ELOVL6: variants seen among roughly 807,000 people sequenced by gnomAD.
ELOVL6 encodes very long chain fatty acid elongase 6.
In ELOVL6, 8 loss-of-function variants were observed where a neutral mutation model predicts 31.7. The observed-to-expected ratio is 0.25, with a 90% CI of 0.15 to 0.45. The LOEUF (loss-of-function observed/expected upper bound fraction) is 0.45. ELOVL6 is among the 20% of genes least tolerant of loss of function. The probability of loss-of-function intolerance (pLI) is 1.00; values close to 1 mark genes in which losing one functional copy is unlikely to be tolerated. For synonymous variants in ELOVL6, 101 were observed against 117.7 expected (o/e 0.86, Z 0.92); for missense variants, 126 against 326.4 (o/e 0.39, Z 4.73).
intron 1 of ELOVL6, among the ~76,000 whole-genome samples, chr4:110,172,346 A>C (rs1372357802): frequency 6.6e-6 from 1 of 152,204 alleles, no homozygotes; most frequent in East Asian, 1.9e-4. Context: ...CTTTAACAGA[A>C]GCACACTTAA....
intron 1 of ELOVL6, among the ~76,000 whole-genome samples, chr4:110,180,521 T>C (rs904042664): frequency 8.5e-5 from 13 of 152,220 alleles, no homozygotes; most frequent in African/African-American, 2.9e-4. Flanking sequence ...TAGTTGAGAC[T>C]ACAAGCAGCT....
At chr4:110,126,099 A>G (rs948999541) in intron 1 of ELOVL6, among the ~76,000 whole-genome samples, 3 of 151,968 alleles carry the variant, frequency 2.0e-5, no homozygotes, top group Admixed American at 6.6e-5. Context: ...GCTGGAGTGC[A>G]ATGGTTTGAT....
At chr4:110,170,499 C>A (rs558085518) in intron 1 of ELOVL6, among the ~76,000 whole-genome samples, 129 of 152,354 alleles carry the variant, frequency 8.5e-4, no homozygotes, top group African/African-American at 2.7e-3. Context: ...GCCCAATGTG[C>A]ACATCCCTAG....
chr4:110,083,112 C>T (rs116600578), intron 2 of ELOVL6, among the ~76,000 whole-genome samples: 2,567 of 151,748 alleles, frequency 0.017, 36 homozygotes, highest in Admixed American at 0.026. Context: ...CGACTACATA[C>T]TAGGTTCTTC....
At chr4:110,168,860 A>C (rs1758855652) in intron 1 of ELOVL6, among the ~76,000 whole-genome samples, 3 of 152,202 alleles carry the variant, frequency 2.0e-5, no homozygotes, top group Admixed American at 1.3e-4. Context: ...CATAAAATGG[A>C]GGGTTAATTA....
In ELOVL6 at chr4:110,084,588, A is replaced by ATTTTTTTTTTT. The variant is rs1168880044; in HGVS notation, c.221+20898_221+20908dup. 2.4e-4 allele frequency among the ~76,000 whole-genome samples: 7 copies of ATTTTTTTTTTT among 29,660 alleles called. 1 individual carries two copies. The highest frequency in any genetic ancestry group is 1.5e-3 in the African/African-American group (7 of 4,588). The allele number at this position is 29,660 out of a possible 152,430, so 19.5% of individuals were successfully genotyped here. ...GATATATATATATATATATATATAT[A>ATTTTTTTTTTT]TTTTTTTTTTTTTTTTTTTTTTTTG... On this transcript the variant is annotated intron_variant, in intron 2 of 3. Transcript: ENST00000302274.
intron 1 of ELOVL6, among the ~76,000 whole-genome samples, chr4:110,163,522 C>A (rs1487113772): frequency 6.6e-6 from 1 of 152,154 alleles, no homozygotes; most frequent in African/African-American, 2.4e-5. Flanking sequence ...CAAACTGAGT[C>A]ACTGAAATTT....
chr4:110,087,820 C>T (rs1756312529), intron 2 of ELOVL6, among the ~76,000 whole-genome samples: 1 of 140,962 alleles, frequency 7.1e-6, no homozygotes, highest in African/African-American at 2.8e-5. Context: ...AAAAAAAAAC[C>T]TCCTATTTTC....
intron 1 of ELOVL6, among the ~76,000 whole-genome samples, chr4:110,170,436 A>G (rs58182126): frequency 0.014 from 2,182 of 152,360 alleles, 50 homozygotes; most frequent in African/African-American, 0.05. Context: ...CAATACTCAT[A>G]GTACTTTTGT....
chr4:110,156,749 A>G lies in ELOVL6; in HGVS notation c.89+41498T>C, dbSNP rs545476661. Among the ~76,000 whole-genome samples, 8 of 152,314 alleles carry G rather than the reference A, an allele frequency of 5.3e-5. No homozygotes were observed. The South Asian group carries it at 1.7e-3, about 32-fold the overall frequency. ...ACATGCTTCTTTTTCAGGACAGAAG[A>G]GACAAGTGGATTGAATTCATTTCTT... On this transcript the variant is annotated intron_variant, in intron 1 of 3. Coordinates refer to ENST00000302274, the MANE Select transcript of ELOVL6 (RefSeq NM_024090.3).
intron 1 of ELOVL6, among the ~76,000 whole-genome samples, chr4:110,172,766 T>C (rs73841822): frequency 0.013 from 2,026 of 152,320 alleles, 40 homozygotes; most frequent in African/African-American, 0.046. Flanking sequence ...TTGCTGATGT[T>C]TTTTACTGTA....
At chr4:110,067,085 TTTTC>T (rs1327229780) in intron 2 of ELOVL6, among the ~76,000 whole-genome samples, 2 of 152,140 alleles carry the variant, frequency 1.3e-5, no homozygotes, top group African/African-American at 2.4e-5. Flanking sequence ...AAAGTGTAGA[TTTTC>T]TTTTTTTGTC....
At chr4:110,158,657 A>ATATATATATATATTTTTTT in intron 1 of ELOVL6, among the ~76,000 whole-genome samples, 36 of 74,158 alleles carry the variant, frequency 4.9e-4, no homozygotes, top group Non-Finnish European at 5.8e-4. Context: ...ATATATATAT[A>ATATATATATATATTTTTTT]TTTTTTTTTT....
At chr4:110,169,401 G>A (rs1758877580) in intron 1 of ELOVL6, among the ~76,000 whole-genome samples, 1 of 151,706 alleles carries the variant, frequency 6.6e-6, no homozygotes. Flanking sequence ...ACCATGCCCA[G>A]CTAATTTTTG....
chr4:110,188,294 C>G (rs1759505897), intron 1 of ELOVL6, among the ~76,000 whole-genome samples: 1 of 152,182 alleles, frequency 6.6e-6, no homozygotes, highest in African/African-American at 2.4e-5. Context: ...AAATTATTAA[C>G]AAAAGAGACA....
At chr4:110,112,777 G>A (rs1160749751) in intron 1 of ELOVL6, among the ~76,000 whole-genome samples, 2 of 152,158 alleles carry the variant, frequency 1.3e-5, no homozygotes, top group Non-Finnish European at 2.9e-5. Flanking sequence ...AGGAGCCTAA[G>A]GCAGGAGAAT....
intron 2 of ELOVL6, among the ~76,000 whole-genome samples, chr4:110,100,871 C>T (rs1254748830): frequency 1.3e-5 from 2 of 152,142 alleles, no homozygotes; most frequent in Admixed American, 6.5e-5. Context: ...CAAAGAATTT[C>T]TATATTTTTG....
At chr4:110,100,875 A>AT (rs1181607384) in intron 2 of ELOVL6, among the ~76,000 whole-genome samples, 1 of 152,184 alleles carries the variant, frequency 6.6e-6, no homozygotes, top group East Asian at 1.9e-4. Context: ...GAATTTCTAT[A>AT]TTTTTGTCAT....
At chr4:110,097,074 G>A (rs11725074) in intron 2 of ELOVL6, among the ~76,000 whole-genome samples, 20,879 of 151,938 alleles carry the variant, frequency 0.14, 1,532 homozygotes, top group Admixed American at 0.19. Flanking sequence ...TTGGGAGGCC[G>A]AGGTGGATGG....
Sources: gnomAD v4.1 joint callset for allele counts (sites outside exome capture counted in the v4.1 genomes callset) on GRCh38, gnomAD v4.1.1 for gene constraint, MANE v1.5 for transcripts, NCBI Gene and HGNC (gene_info 2026-07-23, HGNC 2026-07-21) for gene names.